ROCK2: variants seen among roughly 807,000 people sequenced by gnomAD.
ROCK2 encodes Rho associated coiled-coil containing protein kinase 2.
ROCK2 carries 61 observed loss-of-function variants against 195.1 expected under a neutral mutation model. The observed-to-expected ratio is 0.31, with a 90% confidence interval of 0.25 to 0.39. ROCK2 has a LOEUF of 0.39. ROCK2 is among the 10% of genes least tolerant of loss of function. The probability of loss-of-function intolerance (pLI) is 1.00; values close to 1 mark genes in which losing one functional copy is unlikely to be tolerated. For missense variants in ROCK2, 1,109 were observed against 1,637.4 expected (o/e 0.68, Z 5.57); for synonymous variants, 504 against 545.5 (o/e 0.92, Z 1.06).
chr2:11,249,297 T>A (rs867252351), intron 4 of ROCK2, among the ~76,000 whole-genome samples: 1 of 152,344 alleles, frequency 6.6e-6, no homozygotes, highest in East Asian at 1.9e-4. Context: ...CATGTTGGAA[T>A]ATTAATATGT....
intron 1 of ROCK2, among the ~76,000 whole-genome samples, chr2:11,314,738 A>T (rs1668139387): frequency 1.3e-5 from 2 of 152,028 alleles, no homozygotes; most frequent in African/African-American, 4.8e-5. Context: ...ATATTGTGGT[A>T]TGTGATAAAG....
At chr2:11,325,879 G>GAATC (rs1275182762) in intron 1 of ROCK2, among the ~76,000 whole-genome samples, 2 of 152,282 alleles carry the variant, frequency 1.3e-5, no homozygotes, top group East Asian at 3.9e-4. Context: ...CGAGGCAAGT[G>GAATC]AATCCCCTTT....
At chr2:11,238,353 C>T (rs1245427787) in intron 4 of ROCK2, among the ~76,000 whole-genome samples, 1 of 151,920 alleles carries the variant, frequency 6.6e-6, no homozygotes. Flanking sequence ...ATCAAAATGG[C>T]AACTCTCCCC....
At chr2:11,297,306 A>T (rs1403689271) in intron 1 of ROCK2, among the ~76,000 whole-genome samples, 1 of 152,154 alleles carries the variant, frequency 6.6e-6, no homozygotes, top group Non-Finnish European at 1.5e-5. Context: ...TACCATGATG[A>T]AATTATATCA....
intron 18 of ROCK2, among the ~76,000 whole-genome samples, chr2:11,208,708 C>T (rs1293776672): frequency 6.6e-6 from 1 of 151,076 alleles, no homozygotes; most frequent in East Asian, 1.9e-4. Flanking sequence ...TCTCGTGCCT[C>T]GGCCTCCAGA....
rs557629372 is a variant in ROCK2, at chr2:11,180,191, T to G, written c.*3246A>C. Reference sequence around the variant, plus strand: ...ATTTTAGACACGATTTAAAGCATGTTTCAGTAAGGTTAATATAGTGTCCGA... The same window carrying G: ...ATTTTAGACACGATTTAAAGCATGTGTCAGTAAGGTTAATATAGTGTCCGA... On this transcript the variant is annotated 3_prime_UTR_variant, in exon 33 of 33. Coordinates refer to ENST00000315872, the MANE Select transcript of ROCK2 (RefSeq NM_004850.5). The G allele has an allele frequency of 3.3e-5, 5 of 152,322 alleles. No individual in the cohort carries two copies. The highest frequency in any genetic ancestry group is 3.3e-4 in the Admixed American group (5 of 15,300). The allele number at this position is 152,322 out of a possible 1,614,324, so 9.4% of individuals were successfully genotyped here.
chr2:11,192,477 T>G lies in ROCK2; in HGVS notation c.3923A>C (p.Lys1308Thr), dbSNP rs1663465678. 1 of 1,614,010 alleles carries G rather than the reference T, an allele frequency of 6.2e-7. No individual in the cohort carries two copies. Among genetic ancestry groups the G allele is most frequent in the African/African-American group, 1.3e-5 (1 of 74,932 alleles). ...IKCHKDHMDK[K>T]EEIIAPCKVY... ...TTTGCAAGGTGCTATAATCTCCTCCTTTTTGTCCATATGATCTTTATGACA... is the reference window on the plus strand; with the variant it reads ...TTTGCAAGGTGCTATAATCTCCTCCGTTTTGTCCATATGATCTTTATGACA... Residue 1308 changes from lysine to threonine, a missense_variant, in exon 31 of 33, where the codon AAG becomes ACG. Lys to Thr is a moderately conservative substitution (Grantham distance 78, BLOSUM62 -1). Around this residue, in one of 6 missense-constraint regions of ROCK2, gnomAD observed 221 missense variants for 355.1 expected, o/e 0.62. Coordinates refer to ENST00000315872, the MANE Select transcript of ROCK2 (RefSeq NM_004850.5). The surrounding 1 kb of genome is among the most constrained non-coding windows in gnomAD (Gnocchi z 5.0).
chr2:11,319,598 C>T (rs1310947169), intron 1 of ROCK2, among the ~76,000 whole-genome samples: 1 of 152,086 alleles, frequency 6.6e-6, no homozygotes, highest in Admixed American at 6.6e-5. Flanking sequence ...TTATTTCTTT[C>T]TCCTGCCTGA....
chr2:11,196,122 T>C (rs1663626525), intron 27 of ROCK2, among the ~76,000 whole-genome samples: 1 of 152,196 alleles, frequency 6.6e-6, no homozygotes. Context: ...GAACAGGAAT[T>C]ATTTTCCTAA....
intron 5 of ROCK2, chr2:11,234,366 C>T (rs200291085): frequency 2.0e-5 from 3 of 152,018 alleles, no homozygotes; most frequent in Admixed American, 6.6e-5. Context: ...TAATGAAAAT[C>T]GCAATACATT....
chr2:11,268,891 C>A (rs10178332), intron 3 of ROCK2, among the ~76,000 whole-genome samples: 122,709 of 152,030 alleles, frequency 0.81, 51,155 homozygotes, highest in East Asian at 0.99. Flanking sequence ...CCCACAGTAT[C>A]TATTTTGTTC....
chr2:11,227,220 C>T (rs751548782), intron 6 of ROCK2, 34 bp downstream of exon 6: 2 of 1,562,196 alleles, frequency 1.3e-6, no homozygotes, highest in Admixed American at 3.5e-5. Context: ...TTATAAGAAG[C>T]ATTTTGAAAA....
At position 11,287,721 on chromosome 2, in the gene ROCK2, A is replaced by T; in HGVS notation, c.157T>A (p.Leu53Met). Residue 53 changes from leucine to methionine, a missense_variant, in exon 2 of 33, where the codon TTG (leucine) becomes ATG (methionine). By Grantham distance (15) the Leu-to-Met change is conservative. This residue lies in a region of ROCK2 where 253 missense variants were observed against 455.5 expected (regional missense o/e 0.56). Transcript: ENST00000315872. ...VESLLDGLNS[L>M]VLDLDFPALR... ...GCAGGAAAATCTAAATCAAGGACCA[A>T]GGAATTTAAGCCATCCTGTTAAGAA... The T allele has an allele frequency of 7.6e-7, 1 of 1,321,182 alleles. No individual in the cohort carries two copies. Among genetic ancestry groups the T allele is most frequent in the Non-Finnish European group, 1.0e-6 (1 of 986,944 alleles). The allele number at this position is 1,321,182 out of a possible 1,614,324, so 81.8% of individuals were successfully genotyped here.
intron 5 of ROCK2, among the ~76,000 whole-genome samples, chr2:11,233,447 C>T (rs1016089666): frequency 6.6e-6 from 1 of 152,018 alleles, no homozygotes; most frequent in African/African-American, 2.4e-5. Context: ...GGAGATCGGG[C>T]AATTCTTTCT....
chr2:11,275,145 T>C (rs1215803768), intron 3 of ROCK2, among the ~76,000 whole-genome samples: 1 of 151,574 alleles, frequency 6.6e-6, no homozygotes, highest in African/African-American at 2.4e-5. Context: ...TAATCCCAGC[T>C]ATTCGGGAGG....
chr2:11,205,565 T>C (rs1404779207), intron 20 of ROCK2, among the ~76,000 whole-genome samples: 2 of 152,004 alleles, frequency 1.3e-5, no homozygotes, highest in Non-Finnish European at 2.9e-5. Context: ...GAAGCCAACA[T>C]AGCACTTCAT....
At position 11,215,359 on chromosome 2, in the gene ROCK2, G is replaced by C. The variant is rs745831464; in HGVS notation, c.1651C>G (p.Gln551Glu). 6.2e-7 allele frequency: 1 copy of C among 1,607,406 alleles called. No homozygotes were observed. The highest frequency in any genetic ancestry group is 8.5e-7 in the Non-Finnish European group (1 of 1,177,546). ...EDLKKRNQNS[Q>E]ISTEKVNQLQ... The stretch of plus-strand genomic sequence containing the variant: ...TGATTCACTTTCTCAGTGGATATTT[G>C]AGAGTTTTGATTTCTTTTTTTCAAA... Residue 551 changes from glutamine to glutamate, a missense_variant, in exon 15 of 33, where the codon CAA (glutamine) becomes GAA (glutamate). Transcript: ENST00000315872.
chr2:11,268,488 T>TTG lies in ROCK2; in HGVS notation c.324+18049_324+18050dup, dbSNP rs60063109. On this transcript the variant is annotated intron_variant, in intron 3 of 32. Transcript: ENST00000315872. ...TTACTGTGTGTGTGTGTTTTTTTCC[T>TTG]TGTGTGTGTGTGTGTGTATTTAACA... is the stretch of plus-strand genomic sequence containing the variant. Among the ~76,000 whole-genome samples, 1,010 of 149,744 alleles carry TTG rather than the reference T, an allele frequency of 6.7e-3. 9 individuals carry two copies. Among genetic ancestry groups the TTG allele is most frequent in the African/African-American group, 0.018 (727 of 40,560 alleles).
At chr2:11,292,375 A>G (rs1250544603) in intron 1 of ROCK2, among the ~76,000 whole-genome samples, 1 of 152,204 alleles carries the variant, frequency 6.6e-6, no homozygotes. Flanking sequence ...CTCACAGCAT[A>G]TAAGTTAATA....
Sources: gnomAD v4.1 joint callset for allele counts (sites outside exome capture counted in the v4.1 genomes callset) on GRCh38, gnomAD v4.1.1 for gene constraint, gnomAD v4.1.1 regional missense constraint, Gnocchi (gnomAD v3.1) non-coding constraint, MANE v1.5 for transcripts, NCBI Gene and HGNC (gene_info 2026-07-23, HGNC 2026-07-21) for gene names.